Variants in MAP2K5 observed in about 807,000 individuals in gnomAD.
The protein encoded by MAP2K5 is dual specificity mitogen-activated protein kinase kinase 5.
MAP2K5 carries 49 observed loss-of-function variants against 83.1 expected under a neutral mutation model. That is an observed-to-expected ratio of 0.59 (90% CI 0.47 to 0.75). The LOEUF is 0.75. Ranked by LOEUF, MAP2K5 falls within the 30% of genes least tolerant of loss-of-function variation. The pLI, the probability that MAP2K5 is intolerant of heterozygous loss-of-function variation, is 0.00. For synonymous variants in MAP2K5, 202 were observed against 191.8 expected (o/e 1.05, Z -0.44); for missense variants, 457 against 557.5 (o/e 0.82, Z 1.82).
Position 67,563,551 on chromosome 15 carries a change from A to G in MAP2K5, c.252+201A>G, listed in dbSNP as rs2084780772. On this transcript the variant is annotated intron_variant, in intron 3 of 21. Transcript: ENST00000178640. The surrounding 1 kb of genome is among the most constrained non-coding windows in gnomAD (Gnocchi z 4.5). ...GACACTTACTGATCATATCATAAAC[A>G]TTAAGAATAATGCATCTTAATGACT... Among the ~76,000 whole-genome samples, 1 of 152,236 alleles carries G rather than the reference A, an allele frequency of 6.6e-6. No individual in the cohort carries two copies. Among genetic ancestry groups the G allele is most frequent in the Admixed American group, 6.5e-5 (1 of 15,286 alleles).
At chr15:67,598,775 CTCTA>C (rs1376981647) in intron 7 of MAP2K5, among the ~76,000 whole-genome samples, 4 of 152,122 alleles carry the variant, frequency 2.6e-5, no homozygotes, top group Admixed American at 6.5e-5. Flanking sequence ...AGAGTGTAGA[CTCTA>C]TCTACTACAT....
rs1274035000 is a variant in MAP2K5 at position 67,698,332 on chromosome 15, C to T, written c.972+4764C>T. ...CCTCCAGAGTAGCTGGGATTACAGG[C>T]GTGCACCACCACGCCCGGCTAATTT... On this transcript the variant is annotated intron_variant, in intron 15 of 21. Transcript: ENST00000178640. This position sits in a 1 kb window ranked among gnomAD's most constrained non-coding sequence, Gnocchi z 4.5. Among the ~76,000 whole-genome samples, 7 of 152,124 alleles carry T rather than the reference C, an allele frequency of 4.6e-5. No homozygotes were observed. Among genetic ancestry groups the T allele is most frequent in the East Asian group, 1.9e-4 (1 of 5,180 alleles).
At chr15:67,728,488 T>G (rs1374556359) in intron 17 of MAP2K5, among the ~76,000 whole-genome samples, 1 of 152,226 alleles carries the variant, frequency 6.6e-6, no homozygotes, top group Non-Finnish European at 1.5e-5. Context: ...ACTCTAATCT[T>G]TATTAAAATT....
chr15:67,598,135 G>A (rs781659954), intron 7 of MAP2K5, among the ~76,000 whole-genome samples: 5 of 151,964 alleles, frequency 3.3e-5, no homozygotes, highest in Non-Finnish European at 7.4e-5. Context: ...AACTTGAGAT[G>A]TGGAGTTTGC....
In MAP2K5 at chr15:67,665,245, G is replaced by A. The variant is rs549093028; in HGVS notation, c.847+600G>A. On this transcript the variant is annotated intron_variant, in intron 13 of 21. Coordinates refer to ENST00000178640, the MANE Select transcript of MAP2K5 (RefSeq NM_145160.3). The surrounding 1 kb of genome is among the most constrained non-coding windows in gnomAD (Gnocchi z 4.2). ...GGAATAGTCCCCTTGTCTAGTAACA[G>A]AACACATGAGAGAATAATCAGATGA... Among the ~76,000 whole-genome samples the A allele has an allele frequency of 6.6e-6, 1 of 152,206 alleles. No individual in the cohort carries two copies. Among genetic ancestry groups the A allele is most frequent in the South Asian group, 2.1e-4 (1 of 4,818 alleles).
At chr15:67,756,201 TAAA>T (rs550672797) in intron 19 of MAP2K5, among the ~76,000 whole-genome samples, 43 of 152,298 alleles carry the variant, frequency 2.8e-4, no homozygotes, top group Admixed American at 7.8e-4. Flanking sequence ...AACTCTAGGA[TAAA>T]CCACCTGTTC....
At chr15:67,575,768 TA>T (rs1458705481) in intron 3 of MAP2K5, among the ~76,000 whole-genome samples, 1 of 152,110 alleles carries the variant, frequency 6.6e-6, no homozygotes, top group Non-Finnish European at 1.5e-5. Flanking sequence ...GATAGGATTG[TA>T]AAAAACTAAG....
At chr15:67,544,290 C>A (rs1211394460) in intron 1 of MAP2K5, among the ~76,000 whole-genome samples, 1 of 152,126 alleles carries the variant, frequency 6.6e-6, no homozygotes, top group Non-Finnish European at 1.5e-5. Context: ...AAAATGAGTC[C>A]AGTTTCAGAG....
At position 67,628,633 on chromosome 15, in the gene MAP2K5, C is replaced by T. The variant is rs1596679502; in HGVS notation, c.546-2255C>T. ...CTTTGCCTTTATAACCTTTGACGAC[C>T]ATGACTCTGTGGATAAGACTGTCAT... On this transcript the variant is annotated intron_variant, in intron 8 of 21. Coordinates refer to ENST00000178640, the MANE Select transcript of MAP2K5 (RefSeq NM_145160.3). 1.6e-5 allele frequency: 18 copies of T among 1,135,472 alleles called. No individual in the cohort carries two copies. In the East Asian group the frequency reaches 4.0e-4, roughly 25 times the overall value. 70.3% of individuals were successfully genotyped at this position (1,135,472 alleles called of 1,614,324 possible).
chr15:67,567,653 C>T (rs907016666), intron 3 of MAP2K5, among the ~76,000 whole-genome samples: 1 of 152,120 alleles, frequency 6.6e-6, no homozygotes. Context: ...CGTGAGCCAC[C>T]GCGCCCGGCC....
chr15:67,733,991 A>G (rs1417875094), intron 17 of MAP2K5, among the ~76,000 whole-genome samples: 1 of 152,240 alleles, frequency 6.6e-6, no homozygotes, highest in Non-Finnish European at 1.5e-5. Context: ...AACCAAGGAA[A>G]TACGTTTTGC....
At chr15:67,576,221 CTCTT>C (rs1267938094) in intron 3 of MAP2K5, among the ~76,000 whole-genome samples, 1 of 147,098 alleles carries the variant, frequency 6.8e-6, no homozygotes, top group Admixed American at 6.8e-5. Context: ...CCATCCTTCT[CTCTT>C]TCTTAATAGA....
At chr15:67,727,970 T>G (rs1176002842) in intron 17 of MAP2K5, 25 bp downstream of exon 17, 1 of 1,600,238 alleles carries the variant, frequency 6.2e-7, no homozygotes, top group Non-Finnish European at 8.6e-7. Flanking sequence ...TACTGCTGTT[T>G]GCCACTGTGA....
At chr15:67,553,919 C>A (rs1170270920) in intron 2 of MAP2K5, among the ~76,000 whole-genome samples, 92 of 80,090 alleles carry the variant, frequency 1.1e-3, no homozygotes, top group South Asian at 2.6e-3. Context: ...GACTCCATCT[C>A]AAAAAAAAAA....
chr15:67,655,157 A>T (rs1342986632), intron 11 of MAP2K5, among the ~76,000 whole-genome samples: 1 of 152,132 alleles, frequency 6.6e-6, no homozygotes, highest in Non-Finnish European at 1.5e-5. Context: ...TATAAGTTAC[A>T]TTCCTATACA....
At chr15:67,791,561 T>C (rs1196126937) in intron 21 of MAP2K5, among the ~76,000 whole-genome samples, 1 of 152,188 alleles carries the variant, frequency 6.6e-6, no homozygotes, top group Non-Finnish European at 1.5e-5. Flanking sequence ...ACAGGGTAAG[T>C]GCTCACAACT....
chr15:67,763,375 T>C (rs1024872891), intron 19 of MAP2K5, among the ~76,000 whole-genome samples: 3 of 152,224 alleles, frequency 2.0e-5, no homozygotes, highest in African/African-American at 7.2e-5. Context: ...ACTCACACTC[T>C]AAACGAGACT....
rs5813456 is a variant in MAP2K5 at position 67,786,018 on chromosome 15, G to GTTT, written c.1242+13277_1242+13279dup. Reference sequence around the variant, plus strand: ...ACAGGGGGCTTTTAGCTGTTAGGTTGTTTTTTTTTTTTTAACTTACAGAAG... The same window carrying GTTT: ...ACAGGGGGCTTTTAGCTGTTAGGTTGTTTTTTTTTTTTTTTTAACTTACAGAAG... On this transcript the variant is annotated intron_variant, in intron 21 of 21. Coordinates refer to ENST00000178640, the MANE Select transcript of MAP2K5 (RefSeq NM_145160.3). The surrounding 1 kb of genome is among the most constrained non-coding windows in gnomAD (Gnocchi z 4.7). Among the ~76,000 whole-genome samples, 3 of 146,918 alleles carry GTTT rather than the reference G, an allele frequency of 2.0e-5. No homozygotes were observed. The highest frequency in any genetic ancestry group is 2.0e-4 in the Admixed American group (3 of 14,826).
chr15:67,795,627 G>A (rs941393649), intron 21 of MAP2K5, among the ~76,000 whole-genome samples: 4 of 152,116 alleles, frequency 2.6e-5, no homozygotes, highest in Non-Finnish European at 5.9e-5. Context: ...GACTCCCTTA[G>A]AACATGGTCA....
Sources: gnomAD v4.1 joint callset for allele counts (sites outside exome capture counted in the v4.1 genomes callset) on GRCh38, gnomAD v4.1.1 for gene constraint, Gnocchi (gnomAD v3.1) non-coding constraint, MANE v1.5 for transcripts, NCBI Gene and HGNC (gene_info 2026-07-23, HGNC 2026-07-21) for gene names.